Variants in FLT1 observed in about 807,000 individuals in gnomAD.
The protein encoded by FLT1 is vascular endothelial growth factor receptor 1.
FLT1 carries 49 observed loss-of-function variants against 156.3 expected under a neutral mutation model. The observed-to-expected ratio is 0.31, with a 90% CI of 0.25 to 0.40. The LOEUF (loss-of-function observed/expected upper bound fraction) is 0.40, where lower values mean the gene tolerates loss of function less well. Among genes scored for constraint, FLT1 ranks in the 10% least tolerant of loss-of-function variants. The pLI is 1.00. For missense variants in FLT1, 1,322 were observed against 1,637.2 expected, an observed-to-expected ratio of 0.81 and a Z score of 3.32; for synonymous variants, 594 against 583.8, an observed-to-expected ratio of 1.02 and a Z score of -0.25.
At chr13:28,311,964 C>A in intron 26 of FLT1, 29 bp downstream of exon 26, 1 of 1,444,662 alleles carries the variant, frequency 6.9e-7, no homozygotes. Context: ...CATTCAAAGG[C>A]ATTTTGATGT....
intron 24 of FLT1, among the ~76,000 whole-genome samples, chr13:28,318,712 C>T (rs547639576): frequency 6.6e-6 from 1 of 152,246 alleles, no homozygotes; most frequent in Admixed American, 6.5e-5. Context: ...CTTTTATTTG[C>T]TGTGAAAGGC....
intron 11 of FLT1, among the ~76,000 whole-genome samples, chr13:28,403,163 T>G (rs1451886333): frequency 6.6e-6 from 1 of 152,264 alleles, no homozygotes; most frequent in African/African-American, 2.4e-5. Flanking sequence ...TTAGTTCTGT[T>G]TTTTTTGGAG....
intron 29 of FLT1, among the ~76,000 whole-genome samples, chr13:28,303,856 G>C (rs1870624967): frequency 6.6e-6 from 1 of 152,114 alleles, no homozygotes; most frequent in South Asian, 2.1e-4. Flanking sequence ...AAACAATAAA[G>C]CTCCACACAC....
chr13:28,329,554 G>A (rs774423608), intron 19 of FLT1, 61 bp downstream of exon 19: 155 of 1,219,046 alleles, frequency 1.3e-4, no homozygotes, highest in Non-Finnish European at 1.6e-4. Context: ...CTGTAAGGCA[G>A]AGAACTGTTC....
rs2137622779 is a variant in FLT1, at chr13:28,467,118, G to A, written c.173C>T (p.Ala58Val). 6.2e-7 allele frequency: 1 copy of A among 1,613,226 alleles called. No homozygotes were observed. The highest frequency in any genetic ancestry group is 8.5e-7 in the Non-Finnish European group (1 of 1,179,572). ...TLHLQCRGEA[A>V]HKWSLPEMVS... ...CATTTCAGGCAAAGACCATTTATGG[G>A]CTGCTTCCCCCCTGCAATCACAGAT... is the stretch of plus-strand genomic sequence containing the variant. Residue 58 changes from alanine to valine, a missense_variant, in exon 3 of 30, where the codon GCC (alanine) becomes GTC (valine). Ala to Val is a moderately conservative substitution (Grantham distance 64). Coordinates refer to ENST00000282397, the MANE Select transcript of FLT1 (RefSeq NM_002019.4).
chr13:28,306,365 C>T (rs1191883164), intron 29 of FLT1, among the ~76,000 whole-genome samples: 1 of 152,096 alleles, frequency 6.6e-6, no homozygotes, highest in African/African-American at 2.4e-5. Context: ...CCGCCGGGAG[C>T]GTGTCTCTGT....
intron 10 of FLT1, among the ~76,000 whole-genome samples, chr13:28,414,283 C>T (rs533470469): frequency 1.3e-5 from 2 of 152,284 alleles, no homozygotes; most frequent in East Asian, 1.9e-4. Flanking sequence ...GCCTGTGGGC[C>T]GTAACTCCAT....
chr13:28,384,000 C>T (rs1565995484), intron 14 of FLT1, among the ~76,000 whole-genome samples: 4 of 152,192 alleles, frequency 2.6e-5, no homozygotes, highest in Non-Finnish European at 5.9e-5. Context: ...CCACGGATCC[C>T]ATGGCACTAT....
In FLT1 at chr13:28,308,844, T is replaced by C; in HGVS notation, c.3719A>G (p.Asp1240Gly). ...ELLPNATSMF[D>G]DYQGDSSTLL... ...AGGTACCTTAACTTCACGACTTACA[T>C]CAAACATGGAGGTGGCATTCGGTAA... The change falls in exon 28 of 30, where the codon GAT (aspartate) becomes GGT (glycine). Residue 1240 changes from aspartate (D) to glycine (G), a missense_variant and splice_region_variant. Around this residue, in one of 3 missense-constraint regions of FLT1, gnomAD observed 329 missense variants for 366.2 expected, o/e 0.90. Transcript: ENST00000282397. 6 of 1,605,962 alleles carry C rather than the reference T, an allele frequency of 3.7e-6. No individual in the cohort carries two copies. Among genetic ancestry groups the C allele is most frequent in the Non-Finnish European group, 5.1e-6 (6 of 1,172,508 alleles).
At chr13:28,368,755 A>C (rs1593714357) in intron 14 of FLT1, 1 of 645,846 alleles carries the variant, frequency 1.5e-6, no homozygotes, top group African/African-American at 2.1e-5. Context: ...CCCAGGCTGG[A>C]GTGCAATGGT....
At chr13:28,411,546 C>CAAAAA (rs71086852) in intron 10 of FLT1, among the ~76,000 whole-genome samples, 2 of 84,736 alleles carry the variant, frequency 2.4e-5, no homozygotes, top group Non-Finnish European at 4.7e-5. Flanking sequence ...AACTCCATCT[C>CAAAAA]AAAAAAAAAA....
chr13:28,345,411 A>G, intron 16 of FLT1, 34 bp downstream of exon 16: 1 of 1,339,132 alleles, frequency 7.5e-7, no homozygotes, highest in South Asian at 1.2e-5. Flanking sequence ...GAATATATGT[A>G]AAAAGGAGCA....
chr13:28,432,063 G>A (rs1877715937), intron 6 of FLT1, among the ~76,000 whole-genome samples: 2 of 152,102 alleles, frequency 1.3e-5, no homozygotes, highest in African/African-American at 4.8e-5. Flanking sequence ...TGGCCACAAT[G>A]ACAGTCCTGC....
At chr13:28,325,860 T>C (rs1013331883) in intron 20 of FLT1, among the ~76,000 whole-genome samples, 5 of 147,820 alleles carry the variant, frequency 3.4e-5, no homozygotes, top group African/African-American at 9.9e-5. Flanking sequence ...TTAGAGGACC[T>C]GACTTAAACC....
At chr13:28,337,027 C>T (rs946299233) in intron 17 of FLT1, among the ~76,000 whole-genome samples, 4 of 152,080 alleles carry the variant, frequency 2.6e-5, no homozygotes, top group Admixed American at 6.5e-5. Context: ...AGATTACAAG[C>T]GTGAGCCACC....
intron 15 of FLT1, among the ~76,000 whole-genome samples, chr13:28,350,380 A>G (rs974397625): frequency 6.6e-6 from 1 of 152,130 alleles, no homozygotes; most frequent in African/African-American, 2.4e-5. Context: ...CAGGCTTTAT[A>G]CCATCCCTTT....
intron 14 of FLT1, among the ~76,000 whole-genome samples, chr13:28,372,574 A>G (rs773672198): frequency 0.097 from 3,559 of 36,520 alleles, 304 homozygotes; most frequent in Admixed American, 0.24. Flanking sequence ...ATGTATATAT[A>G]TATATATATA....
In FLT1 at chr13:28,466,668, A is replaced by T. The variant is rs959477150; in HGVS notation, c.388+235T>A. ...ACTGTGCTAGGAGCTGTGGGTACAG[A>T]GGTGACCTATACAGACCAGTCTCTC... is the stretch of plus-strand genomic sequence containing the variant. On this transcript the variant is annotated intron_variant, in intron 3 of 29. Coordinates refer to ENST00000282397, the MANE Select transcript of FLT1 (RefSeq NM_002019.4). 1.0e-5 allele frequency: 6 copies of T among 593,752 alleles called. 1 individual carries two copies. The highest frequency in any genetic ancestry group is 9.0e-5 in the East Asian group (3 of 33,390). The allele number at this position is 593,752 out of a possible 1,614,324, so 36.8% of individuals were successfully genotyped here.
intron 17 of FLT1, among the ~76,000 whole-genome samples, chr13:28,337,952 T>C (rs1872183451): frequency 6.6e-6 from 1 of 152,242 alleles, no homozygotes; most frequent in African/African-American, 2.4e-5. Flanking sequence ...AGCTGCCATA[T>C]AATTTAGACT....
Sources: allele counts gnomAD v4.1 joint callset (sites outside exome capture counted in the v4.1 genomes callset), GRCh38; gene constraint gnomAD v4.1.1; regional missense constraint gnomAD v4.1.1; transcripts MANE v1.5; gene names NCBI Gene and HGNC (gene_info 2026-07-23, HGNC 2026-07-21).